The following CACNA2D3 variants were observed in gnomAD, a reference collection of about 807,000 sequenced individuals.
CACNA2D3 encodes the protein calcium voltage-gated channel auxiliary subunit alpha2delta 3, also known as voltage-dependent calcium channel subunit alpha-2/delta-3.
CACNA2D3 carries 60 observed loss-of-function variants against 160.6 expected under a neutral mutation model. That is an observed-to-expected ratio of 0.37 (90% CI 0.30 to 0.46). The LOEUF (loss-of-function observed/expected upper bound fraction) is 0.46. Among genes scored for constraint, CACNA2D3 ranks in the 20% least tolerant of loss-of-function variants. The pLI is 1.00. For missense variants in CACNA2D3, 1,205 were observed against 1,365.0 expected, an observed-to-expected ratio of 0.88 and a Z score of 1.85; for synonymous variants, 558 against 492.9, an observed-to-expected ratio of 1.13 and a Z score of -1.75.
Position 54,953,829 on chromosome 3 carries a change from C to T in CACNA2D3, c.2450-14621C>T, listed in dbSNP as rs543096717. ...GTCAGTGCGCACAACCCTAGGTTCT[C>T]TTCCAGGATCAGCCCCAAGCAGACC... On this transcript the variant is annotated intron_variant, in intron 27 of 37. Coordinates refer to ENST00000474759, the MANE Select transcript of CACNA2D3 (RefSeq NM_018398.3). Among the ~76,000 whole-genome samples, 481 of 152,248 alleles carry T rather than the reference C, an allele frequency of 3.2e-3. 3 individuals carry two copies. The highest frequency in any genetic ancestry group is 0.011 in the African/African-American group (453 of 41,554).
intron 4 of CACNA2D3, among the ~76,000 whole-genome samples, chr3:54,413,467 C>T (rs1699705400): frequency 6.7e-6 from 1 of 148,168 alleles, no homozygotes; most frequent in Middle Eastern, 3.5e-3. Flanking sequence ...AGTTTGCTGA[C>T]ATTTTAAAAT....
chr3:54,687,818 C>T (rs1575423885), intron 11 of CACNA2D3, among the ~76,000 whole-genome samples: 1 of 152,192 alleles, frequency 6.6e-6, no homozygotes, highest in East Asian at 1.9e-4. Context: ...AGCTCCTCTT[C>T]CTAATAAATC....
chr3:54,832,038 C>T (rs1703892287), intron 14 of CACNA2D3, among the ~76,000 whole-genome samples: 1 of 150,758 alleles, frequency 6.6e-6, no homozygotes, highest in South Asian at 2.1e-4. Flanking sequence ...CACACACACA[C>T]ACACACACAC....
Position 54,562,843 on chromosome 3 carries a change from C to A in CACNA2D3, c.588C>A (p.Asn196Lys). The A allele has an allele frequency of 1.2e-6, 2 of 1,613,106 alleles. No individual in the cohort carries two copies. The highest frequency in any genetic ancestry group is 1.7e-6 in the Non-Finnish European group (2 of 1,179,164). Residue 196 changes from asparagine to lysine, a missense_variant, in exon 6 of 38, where the codon AAC becomes AAA. This residue lies in a region of CACNA2D3 where 131 missense variants were observed against 201.5 expected (regional missense o/e 0.65). Coordinates refer to ENST00000474759, the MANE Select transcript of CACNA2D3 (RefSeq NM_018398.3). The part of the protein sequence containing the change: ...VNGVYWSESL[N>K]KVFVDNFDRD... ...GGGTTTATTGGTCTGAATCTCTAAA[C>A]AAAGTTTTTGTAGATAACTTTGACC... is the stretch of plus-strand genomic sequence containing the variant.
At chr3:54,959,624 GAGCTATAACTTGGA>G (rs1701983427) in intron 27 of CACNA2D3, among the ~76,000 whole-genome samples, 1 of 152,048 alleles carries the variant, frequency 6.6e-6, no homozygotes, top group Admixed American at 6.6e-5. Context: ...ATTAACTAGG[GAGCTATAACTTGGA>G]AGCTTATAAT....
chr3:54,670,721 A>G (rs1319971355), intron 11 of CACNA2D3, among the ~76,000 whole-genome samples: 1 of 152,166 alleles, frequency 6.6e-6, no homozygotes, highest in African/African-American at 2.4e-5. Flanking sequence ...GATTTTTCAC[A>G]TTTAATTTTC....
chr3:54,681,408 A>AAAAAT (rs34491413), intron 11 of CACNA2D3, among the ~76,000 whole-genome samples: 1 of 144,174 alleles, frequency 6.9e-6, no homozygotes, highest in Non-Finnish European at 1.5e-5. Context: ...AAAAAAAAAA[A>AAAAAT]GGCCAGGCAT....
chr3:54,764,142 G>A, intron 12 of CACNA2D3, 76 bp from the exon 13 acceptor site: 2 of 1,500,398 alleles, frequency 1.3e-6, no homozygotes, highest in Non-Finnish European at 9.2e-7. Context: ...GGGCAAGAAG[G>A]CATGGCATAT....
At chr3:54,178,082 T>TA (rs1700709447) in intron 2 of CACNA2D3, among the ~76,000 whole-genome samples, 1 of 152,036 alleles carries the variant, frequency 6.6e-6, no homozygotes, top group Non-Finnish European at 1.5e-5. Flanking sequence ...GAAGACAAGG[T>TA]AAAAAGGAGT....
chr3:54,244,147 G>A (rs960284246), intron 2 of CACNA2D3, among the ~76,000 whole-genome samples: 3 of 152,130 alleles, frequency 2.0e-5, no homozygotes, highest in Admixed American at 6.5e-5. Context: ...CACTGCGACC[G>A]TGGAGTGAGC....
chr3:55,035,702 A>C (rs1703802006), intron 35 of CACNA2D3, among the ~76,000 whole-genome samples: 1 of 152,216 alleles, frequency 6.6e-6, no homozygotes, highest in Non-Finnish European at 1.5e-5. Flanking sequence ...CGAAAATTGA[A>C]TTGGTGTTGA....
chr3:54,937,100 G>A (rs1448740114), intron 27 of CACNA2D3, among the ~76,000 whole-genome samples: 2 of 152,118 alleles, frequency 1.3e-5, no homozygotes, highest in Non-Finnish European at 2.9e-5. Flanking sequence ...TCTATTTTTG[G>A]TGCTTTCCAC....
At chr3:54,981,205 A>T (rs1702499068) in intron 29 of CACNA2D3, among the ~76,000 whole-genome samples, 1 of 152,172 alleles carries the variant, frequency 6.6e-6, no homozygotes, top group Non-Finnish European at 1.5e-5. Flanking sequence ...TTTTTCAGGG[A>T]TGTGCAGCAA....
intron 32 of CACNA2D3, among the ~76,000 whole-genome samples, chr3:55,006,605 T>A (rs1200843525): frequency 2.0e-5 from 3 of 152,196 alleles, no homozygotes. Context: ...CAGAACACTG[T>A]GATTCAAGGA....
intron 11 of CACNA2D3, among the ~76,000 whole-genome samples, chr3:54,681,556 CAA>C (rs79551640): frequency 2.6e-4 from 17 of 65,114 alleles, no homozygotes; most frequent in Admixed American, 5.4e-4. Flanking sequence ...GACTCCATCT[CAA>C]AAAAAAAAAA....
chr3:54,128,681 A>G (rs1298423489), intron 2 of CACNA2D3, among the ~76,000 whole-genome samples: 1 of 152,174 alleles, frequency 6.6e-6, no homozygotes, highest in Non-Finnish European at 1.5e-5. Flanking sequence ...CATCTTTTGT[A>G]GTCACAGTGC....
chr3:55,052,955 G>A (rs573728366), intron 35 of CACNA2D3, among the ~76,000 whole-genome samples: 21 of 152,016 alleles, frequency 1.4e-4, no homozygotes, highest in African/African-American at 4.8e-4. Context: ...CCTTTTAATT[G>A]GTACATTTGG....
intron 9 of CACNA2D3, chr3:54,626,369 A>C (rs1471993958): frequency 6.4e-6 from 10 of 1,562,636 alleles, no homozygotes; most frequent in Non-Finnish European, 7.8e-6. Flanking sequence ...CGGCGGAAGC[A>C]GCACTCCCTG....
intron 2 of CACNA2D3, among the ~76,000 whole-genome samples, chr3:54,296,346 A>G (rs974878130): frequency 1.3e-5 from 2 of 152,064 alleles, no homozygotes; most frequent in Non-Finnish European, 2.9e-5. Flanking sequence ...TGTGTTGGTT[A>G]TGTAGGAAAG....
Sources: allele counts gnomAD v4.1 joint callset (sites outside exome capture counted in the v4.1 genomes callset), GRCh38; gene constraint gnomAD v4.1.1; regional missense constraint gnomAD v4.1.1; transcripts MANE v1.5; gene names NCBI Gene and HGNC (gene_info 2026-07-23, HGNC 2026-07-21).